Variants in NDUFA10 observed in about 807,000 individuals in gnomAD.
The protein encoded by NDUFA10 is NADH dehydrogenase [ubiquinone] 1 alpha subcomplex subunit 10, mitochondrial.
Under a neutral mutation model 47.8 loss-of-function variants are expected in NDUFA10, and 40 were observed. The ratio of observed to expected loss-of-function variants is 0.84; its 90% CI spans 0.65 to 1.09. NDUFA10 has a LOEUF of 1.09. Among genes scored for constraint, NDUFA10 ranks in the 50% least tolerant of loss-of-function variants. NDUFA10 has a pLI of 0.00. For synonymous variants in NDUFA10, 183 were observed against 172.2 expected (o/e 1.06, Z -0.49); for missense variants, 413 against 451.1 (o/e 0.92, Z 0.76).
chr2:240,006,986 A>T (rs1442402625), intron 7 of NDUFA10, among the ~76,000 whole-genome samples: 3 of 152,266 alleles, frequency 2.0e-5, no homozygotes, highest in East Asian at 3.8e-4. Context: ...CACGAATTTA[A>T]GGAAAACTGT....
chr2:239,982,260 G>T, intron 9 of NDUFA10: 1 of 1,601,406 alleles, frequency 6.2e-7, no homozygotes, highest in South Asian at 1.1e-5. Flanking sequence ...CCTCGCCTCT[G>T]ACAAAGGCCG....
chr2:240,015,449 T>C (rs552654002), intron 4 of NDUFA10, among the ~76,000 whole-genome samples: 2 of 152,386 alleles, frequency 1.3e-5, no homozygotes, highest in Admixed American at 1.3e-4. Flanking sequence ...CTTTAAATAC[T>C]TTATTTTTCA....
chr2:239,918,299 C>T (rs549173251), intron 4 of NDUFA10, among the ~76,000 whole-genome samples: 1 of 152,208 alleles, frequency 6.6e-6, no homozygotes, highest in South Asian at 2.1e-4. Flanking sequence ...GCCAGGGAGG[C>T]CCTCACCAAG....
chr2:239,908,268 G>C (rs917343704), intron 4 of NDUFA10, among the ~76,000 whole-genome samples: 39 of 151,996 alleles, frequency 2.6e-4, no homozygotes, highest in Non-Finnish European at 3.2e-4. Context: ...GAGAGGGGAG[G>C]GATAGCATTA....
rs1032387895 is a variant in NDUFA10, at chr2:239,987,359, C to T, written c.999+2715G>A. ...GGACTCGCTCGAATGCGTGTCTGGG[C>T]CCCATCCCCTGCGTGTCTAGTCCAG... On this transcript the variant is annotated intron_variant, in intron 9 of 9. Coordinates refer to ENST00000252711, the MANE Select transcript of NDUFA10 (RefSeq NM_004544.4). The surrounding 1 kb of genome is among the most constrained non-coding windows in gnomAD (Gnocchi z 4.8). 1.3e-5 allele frequency among the ~76,000 whole-genome samples: 2 copies of T among 151,794 alleles called. No homozygotes were observed. The highest frequency in any genetic ancestry group is 1.9e-4 in the East Asian group (1 of 5,156).
intron 4 of NDUFA10, among the ~76,000 whole-genome samples, chr2:239,950,123 A>T (rs1014315130): frequency 5.9e-5 from 9 of 152,152 alleles, no homozygotes; most frequent in African/African-American, 2.2e-4. Context: ...TGGGCTCACG[A>T]AGTGGTGGCA....
At position 239,980,989 on chromosome 2, in the gene NDUFA10, T is replaced by C. The variant is rs565929446; in HGVS notation, c.999+9085A>G. On this transcript the variant is annotated intron_variant, in intron 9 of 9. Coordinates refer to ENST00000252711, the MANE Select transcript of NDUFA10 (RefSeq NM_004544.4). ...TCCACACAGGTTCGAGGGTTGAAAT[T>C]TGCATTACCTCCAGGGCCTGGAATA... 2.6e-5 allele frequency among the ~76,000 whole-genome samples: 4 copies of C among 152,294 alleles called. No homozygotes were observed. The South Asian group carries it at 6.2e-4, about 24-fold the overall frequency.
chr2:239,936,566 T>C (rs768613649), intron 4 of NDUFA10, among the ~76,000 whole-genome samples: 16 of 151,820 alleles, frequency 1.1e-4, no homozygotes. Flanking sequence ...GACACTCTGG[T>C]GGGGAACAAG....
intron 9 of NDUFA10, among the ~76,000 whole-genome samples, chr2:239,986,427 C>T (rs1183376215): frequency 1.3e-5 from 2 of 152,184 alleles, no homozygotes; most frequent in Non-Finnish European, 2.9e-5. Flanking sequence ...CAGGGGCTGG[C>T]TTTCTCATCA....
intron 4 of NDUFA10, among the ~76,000 whole-genome samples, chr2:239,896,513 A>G (rs13424592): frequency 0.13 from 19,278 of 152,258 alleles, 1,338 homozygotes; most frequent in South Asian, 0.18. Flanking sequence ...CCAATGACCC[A>G]GACACTGCAA....
chr2:239,925,611 G>A (rs1694052625), intron 4 of NDUFA10, among the ~76,000 whole-genome samples: 1 of 152,168 alleles, frequency 6.6e-6, no homozygotes, highest in African/African-American at 2.4e-5. Context: ...TTGAGATCTA[G>A]GGTTAGGTGA....
At chr2:240,017,666 C>T (rs1248767077) in intron 4 of NDUFA10, 2 of 650,864 alleles carry the variant, frequency 3.1e-6, no homozygotes, top group East Asian at 2.7e-5. Flanking sequence ...TGACCTGACC[C>T]GCTGCTCAGC....
chr2:240,018,494 T>C (rs1341149491), intron 4 of NDUFA10, 59 bp downstream of exon 4: 2 of 1,613,930 alleles, frequency 1.2e-6, no homozygotes, highest in East Asian at 2.2e-5. Flanking sequence ...GGTGAGTCTA[T>C]CACAGCCCTT....
intron 4 of NDUFA10, among the ~76,000 whole-genome samples, chr2:239,903,572 C>T (rs367743927): frequency 5.3e-5 from 8 of 152,172 alleles, no homozygotes; most frequent in African/African-American, 1.4e-4. Context: ...TAAGGCTGGA[C>T]GCTGCCCTGT....
intron 9 of NDUFA10, among the ~76,000 whole-genome samples, chr2:239,972,141 G>A (rs1262119063): frequency 9.1e-4 from 11 of 12,118 alleles, no homozygotes; most frequent in Admixed American, 8.4e-3. Context: ...TGAAGGATGT[G>A]TGTGTGTGTG....
chr2:239,943,907 A>G (rs1694401851), intron 4 of NDUFA10, among the ~76,000 whole-genome samples: 1 of 152,122 alleles, frequency 6.6e-6, no homozygotes. Flanking sequence ...ATGGAGCTAA[A>G]GGCATGGGGC....
chr2:239,927,000 G>C (rs1694077853), intron 4 of NDUFA10, among the ~76,000 whole-genome samples: 1 of 152,146 alleles, frequency 6.6e-6, no homozygotes, highest in Non-Finnish European at 1.5e-5. Context: ...CTGATTCACT[G>C]TGACAAGAAC....
At chr2:239,951,101 C>T (rs1353575797) in intron 4 of NDUFA10, among the ~76,000 whole-genome samples, 3 of 152,210 alleles carry the variant, frequency 2.0e-5, no homozygotes, top group Admixed American at 6.5e-5. Context: ...TGACACTTCC[C>T]GTTTCAGTCT....
rs1347561308 is a variant in NDUFA10, at chr2:239,959,956, C to T, written c.*1162G>A. The stretch of plus-strand genomic sequence containing the variant: ...AGAGCTTCCGCGGGGAGCAGAGCAT[C>T]GTCCTCTGCACCAGCACTGGAACTA... On this transcript the variant is annotated 3_prime_UTR_variant, in exon 10 of 10. Transcript: ENST00000252711. 1.5e-5 allele frequency: 15 copies of T among 985,398 alleles called. No homozygotes were observed. The highest frequency in any genetic ancestry group is 6.1e-5 in the Admixed American group (1 of 16,270). 61.0% of individuals were successfully genotyped at this position (985,398 alleles called of 1,614,324 possible).
Sources: allele counts gnomAD v4.1 joint callset (sites outside exome capture counted in the v4.1 genomes callset), GRCh38; gene constraint gnomAD v4.1.1; non-coding constraint Gnocchi (gnomAD v3.1); transcripts MANE v1.5; gene names NCBI Gene and HGNC (gene_info 2026-07-23, HGNC 2026-07-21).